CDCP2: variants seen among roughly 807,000 people sequenced by gnomAD.
The protein encoded by CDCP2 is CUB domain containing protein 2, also known as CUB domain-containing protein 2.
In CDCP2, 31 loss-of-function variants were observed where a neutral mutation model predicts 31.0. That is an observed-to-expected ratio of 1.00 (90% CI 0.75 to 1.35). The LOEUF (loss-of-function observed/expected upper bound fraction) is 1.35, where lower values mean the gene tolerates loss of function less well. Ranked by LOEUF, CDCP2 falls within the 40% of genes most tolerant of loss-of-function variation. The pLI is 0.00. For missense variants in CDCP2, 443 were observed against 482.6 expected, an observed-to-expected ratio of 0.92 and a Z score of 0.77; for synonymous variants, 206 against 207.9, an observed-to-expected ratio of 0.99 and a Z score of 0.08.
At chr1:54,140,494 C>A in intron 3 of CDCP2, 1 of 319,472 alleles carries the variant, frequency 3.1e-6, no homozygotes, top group South Asian at 2.9e-5. Context: ...TTGGTATGTA[C>A]TATGAGCATA....
At chr1:54,140,629 A>ATGAT (rs1433756716) in intron 3 of CDCP2, 1 of 200,422 alleles carries the variant, frequency 5.0e-6, no homozygotes, top group Non-Finnish European at 1.0e-5. Flanking sequence ...GAAGTCATCC[A>ATGAT]TGATTCTTAC....
intron 4 of CDCP2, among the ~76,000 whole-genome samples, chr1:54,137,555 C>T (rs181218633): frequency 3.0e-4 from 46 of 152,236 alleles, no homozygotes; most frequent in African/African-American, 4.1e-4. Flanking sequence ...CCAACCGGGT[C>T]GACAGGATTT....
At chr1:54,146,752 G>T (rs1557708772) in intron 1 of CDCP2, among the ~76,000 whole-genome samples, 1 of 151,702 alleles carries the variant, frequency 6.6e-6, no homozygotes, top group African/African-American at 2.4e-5. Context: ...ATCTTGCCAT[G>T]CCAAACAGCA....
intron 1 of CDCP2, among the ~76,000 whole-genome samples, chr1:54,148,362 G>GA (rs1226140533): frequency 2.5e-5 from 3 of 118,526 alleles, no homozygotes; most frequent in Non-Finnish European, 3.6e-5. Context: ...TAAAAAAAAA[G>GA]AAAAAAAGAA....
chr1:54,135,496 G>A (rs774584689), intron 5 of CDCP2, among the ~76,000 whole-genome samples: 4 of 152,144 alleles, frequency 2.6e-5, no homozygotes, highest in Admixed American at 6.5e-5. Flanking sequence ...AGATTTCATG[G>A]TTCTGTGGAT....
chr1:54,141,644 G>T (rs1659378176), intron 2 of CDCP2: 1 of 531,502 alleles, frequency 1.9e-6, no homozygotes, highest in Non-Finnish European at 3.3e-6. Context: ...AATCCTCAGA[G>T]TAGCCGCACA....
rs879355066 is a variant in CDCP2, at chr1:54,144,708, A to T, written c.185T>A (p.Val62Glu). 9 of 1,614,134 alleles carry T rather than the reference A, an allele frequency of 5.6e-6. No homozygotes were observed. In the Admixed American group the frequency reaches 1.3e-4, roughly 24 times the overall value. ...GAGCAGCACCGAGGATCCCTCGGCCACCACGATCAGCCAGCTGCACTCTGT... is the reference window on the plus strand; with the variant it reads ...GAGCAGCACCGAGGATCCCTCGGCCTCCACGATCAGCCAGCTGCACTCTGT... The change falls in exon 2 of 6, where the codon GTG (valine) becomes GAG (glutamate). Residue 62 changes from valine (V) to glutamate (E), a missense_variant. Physicochemically the swap from Val to Glu is moderately radical, Grantham distance 121. Transcript: ENST00000530059.
chr1:54,145,824 C>A (rs929407362), intron 1 of CDCP2, among the ~76,000 whole-genome samples: 4 of 152,146 alleles, frequency 2.6e-5, no homozygotes, highest in African/African-American at 9.7e-5. Context: ...ATAATTTTCA[C>A]TGTGTAAGCA....
At chr1:54,143,720 C>G (rs1252922325) in intron 2 of CDCP2, 2 of 152,166 alleles carry the variant, frequency 1.3e-5, no homozygotes, top group Admixed American at 1.3e-4. Context: ...TGGGTGTCTA[C>G]TGTTTGAGTT....
At chr1:54,144,659 C>A (rs1659431578) in exon 2 of CDCP2, 1 of 1,614,230 alleles carries the variant, frequency 6.2e-7, no homozygotes, top group Non-Finnish European at 8.5e-7. Context: ...TGTCGTGGTA[C>A]TCTAGGTCAA....
Position 54,139,954 on chromosome 1 carries a change from C to A in CDCP2, c.916G>T (p.Glu306Ter), listed in dbSNP as rs749868985. ...CAGGTCTTGGTCAGGCTGTTGGGCTCCTCCAGGTCCAGGTCCAGGAAGAAC... is the reference window on the plus strand; with the variant it reads ...CAGGTCTTGGTCAGGCTGTTGGGCTACTCCAGGTCCAGGTCCAGGAAGAAC... The change falls in exon 4 of 6, where the codon GAG (glutamate) becomes TAG (stop). Residue 306 changes from glutamate to a stop codon, truncating the protein, a stop_gained. Transcript: ENST00000530059. LOFTEE classifies it high-confidence loss of function. 1.9e-6 allele frequency: 3 copies of A among 1,614,194 alleles called. No individual in the cohort carries two copies. The highest frequency in any genetic ancestry group is 2.2e-5 in the South Asian group (2 of 91,080).
chr1:54,136,921 G>C lies in CDCP2; in HGVS notation c.1118-113C>G. On this transcript the variant is annotated intron_variant, in intron 4 of 5. Coordinates refer to ENST00000530059, the Ensembl canonical transcript of CDCP2. ...TGGTGGATGGGGAAACTGAGGCCCA[G>C]AGTAGGAAAAGCTCTTACGGAATCC... 3 of 398,236 alleles carry C rather than the reference G, an allele frequency of 7.5e-6. No individual in the cohort carries two copies. In the East Asian group the frequency reaches 1.1e-4, roughly 14 times the overall value. 24.7% of individuals were successfully genotyped at this position (398,236 alleles called of 1,614,324 possible).
chr1:54,147,424 A>G (rs920739281), intron 1 of CDCP2, among the ~76,000 whole-genome samples: 1 of 151,748 alleles, frequency 6.6e-6, no homozygotes, highest in Non-Finnish European at 1.5e-5. Context: ...CTGGAGTGCA[A>G]TGGTGCAATC....
At chr1:54,141,613 G>A in intron 2 of CDCP2, 180 bp from the exon 3 acceptor site, 2 of 569,830 alleles carry the variant, frequency 3.5e-6, no homozygotes, top group Non-Finnish European at 3.1e-6. Context: ...CCCAGCATTT[G>A]GCACCTATGC....
chr1:54,139,955 C>T (rs1355578314), exon 4 of CDCP2: 3 of 1,614,208 alleles, frequency 1.9e-6, no homozygotes, highest in Admixed American at 3.3e-5. Flanking sequence ...TGTTGGGCTC[C>T]TCCAGGTCCA....
At chr1:54,135,735 T>C (rs1659246291) in intron 5 of CDCP2, among the ~76,000 whole-genome samples, 1 of 152,066 alleles carries the variant, frequency 6.6e-6, no homozygotes, top group South Asian at 2.1e-4. Flanking sequence ...CCTTCTCTTC[T>C]CAGGTCAAAA....
chr1:54,141,212 AGTG>A (rs747451768), exon 3 of CDCP2: 6 of 1,612,292 alleles, frequency 3.7e-6, no homozygotes, highest in Non-Finnish European at 4.2e-6. Context: ...CTGCCACAGT[AGTG>A]GTGCCCACGG....
chr1:54,141,035 A>C (rs1659359675), intron 3 of CDCP2, 63 bp downstream of exon 3: 3 of 1,371,570 alleles, frequency 2.2e-6, no homozygotes, highest in Non-Finnish European at 3.0e-6. Flanking sequence ...CTGCAAGTGT[A>C]ATGGGGAGAC....
intron 4 of CDCP2, among the ~76,000 whole-genome samples, chr1:54,137,229 AC>A (rs1456525564): frequency 3.3e-5 from 5 of 152,204 alleles, no homozygotes; most frequent in Non-Finnish European, 7.3e-5. Context: ...CACCACAAAT[AC>A]AAAAATGAGG....
Sources: allele counts gnomAD v4.1 joint callset (sites outside exome capture counted in the v4.1 genomes callset), GRCh38; gene constraint gnomAD v4.1.1; transcripts MANE v1.5; gene names NCBI Gene and HGNC (gene_info 2026-07-23, HGNC 2026-07-21).